ILDR2: variants seen among roughly 807,000 people sequenced by gnomAD.
The protein encoded by ILDR2 is immunoglobulin like domain containing receptor 2.
ILDR2 carries 25 observed loss-of-function variants against 66.8 expected under a neutral mutation model. That is an observed-to-expected ratio of 0.37 (90% CI 0.27 to 0.52). ILDR2 has a LOEUF of 0.52. Among genes scored for constraint, ILDR2 ranks in the 20% least tolerant of loss-of-function variants. The pLI is 0.88. For synonymous variants in ILDR2, 367 were observed against 357.2 expected, an observed-to-expected ratio of 1.03 and a Z score of -0.31; for missense variants, 827 against 876.8, an observed-to-expected ratio of 0.94 and a Z score of 0.72.
chr1:166,929,738 T>C (rs1221919241), intron 6 of ILDR2, among the ~76,000 whole-genome samples: 1 of 151,904 alleles, frequency 6.6e-6, no homozygotes, highest in Admixed American at 6.6e-5. Context: ...AAGGAATGAG[T>C]GAATGAATGA....
chr1:166,968,870 C>T (rs915632162), intron 1 of ILDR2, among the ~76,000 whole-genome samples: 1 of 152,114 alleles, frequency 6.6e-6, no homozygotes, highest in Non-Finnish European at 1.5e-5. Flanking sequence ...CCTAGCCAAT[C>T]CATAGCTACC....
rs766316184 is a variant in ILDR2, at chr1:166,921,314, G to C, written c.1277C>G (p.Ser426Cys). 2 of 1,592,202 alleles carry C rather than the reference G, an allele frequency of 1.3e-6. No homozygotes were observed. Among genetic ancestry groups the C allele is most frequent in the South Asian group, 1.1e-5 (1 of 89,722 alleles). ...KNFATGVPAVSMDELAAFADS... is the reference protein window; with the variant it reads ...KNFATGVPAVCMDELAAFADS... ...AGCGAAGGCCGCCAGCTCGTCCATG[G>C]AAACGGCCGGCACCCCCGTGGCGAA... The change falls in exon 9 of 10, where the codon TCC (serine) becomes TGC (cysteine). Residue 426 changes from serine to cysteine, a missense_variant. By Grantham distance (112) the Ser-to-Cys change is moderately radical (BLOSUM62 -1). Coordinates refer to ENST00000271417, the MANE Select transcript of ILDR2 (RefSeq NM_199351.3). This position sits in a 1 kb window ranked among gnomAD's most constrained non-coding sequence, Gnocchi z 5.3.
chr1:166,947,526 G>A (rs1661696991), intron 3 of ILDR2, among the ~76,000 whole-genome samples: 1 of 152,338 alleles, frequency 6.6e-6, no homozygotes, highest in East Asian at 1.9e-4. Context: ...AAGCCTGCAC[G>A]CCTGAATAGC....
intron 2 of ILDR2, among the ~76,000 whole-genome samples, chr1:166,901,270 T>G (rs1659260229): frequency 6.6e-6 from 1 of 152,208 alleles, no homozygotes; most frequent in Admixed American, 6.5e-5. Context: ...GCTCCCTTCC[T>G]CTTGGGGGAG....
chr1:166,922,956 G>T (rs1435381548), intron 7 of ILDR2, 147 bp from the exon 8 acceptor site: 3 of 668,256 alleles, frequency 4.5e-6, no homozygotes, highest in Non-Finnish European at 7.9e-6. Flanking sequence ...TGAACTAGTG[G>T]TGTTTGTATT....
chr1:166,951,407 T>G (rs1366161990), intron 3 of ILDR2, among the ~76,000 whole-genome samples: 1 of 152,168 alleles, frequency 6.6e-6, no homozygotes, highest in Non-Finnish European at 1.5e-5. Flanking sequence ...GACTTAGCCA[T>G]GCTTGAAGCT....
intron 1 of ILDR2, among the ~76,000 whole-genome samples, chr1:166,964,578 G>T (rs566610702): frequency 6.6e-6 from 1 of 152,274 alleles, no homozygotes; most frequent in African/African-American, 2.4e-5. Flanking sequence ...CTTAGCAGGT[G>T]GTCCCCAGCT....
downstream of ILDR2, among the ~76,000 whole-genome samples, chr1:166,903,983 A>G (rs1302182564): frequency 1.3e-5 from 2 of 152,158 alleles, no homozygotes; most frequent in Non-Finnish European, 2.9e-5. Context: ...TATTTTCAAC[A>G]CTGATCCTTT....
intron 1 of ILDR2, 94 bp downstream of exon 1, chr1:166,975,128 GT>G: frequency 9.3e-7 from 1 of 1,075,572 alleles, no homozygotes. Flanking sequence ...AACATGGTCA[GT>G]AAGGAGGAAA....
In ILDR2 at chr1:166,921,162, A is replaced by T; in HGVS notation, c.1429T>A (p.Tyr477Asn). 6.5e-7 allele frequency: 1 copy of T among 1,544,426 alleles called. No individual in the cohort carries two copies. The highest frequency in any genetic ancestry group is 1.2e-5 in the South Asian group (1 of 84,708). ...CGGCTGCGGCTGCGCTGACCGTAGT[A>T]CTCCTCCAAGGAGTCGTCCTGGTAG... ...GFYQDDSLEE[Y>N]YGQRSRSREP... The change falls in exon 9 of 10, where the codon TAC (tyrosine) becomes AAC (asparagine). Residue 477 changes from tyrosine (Y) to asparagine (N), a missense_variant. Tyr to Asn is a moderately radical substitution (Grantham distance 143). Transcript: ENST00000271417. This position sits in a 1 kb window ranked among gnomAD's most constrained non-coding sequence, Gnocchi z 5.3.
chr1:166,920,655 T>C, intron 9 of ILDR2, 52 bp downstream of exon 9: 7 of 1,339,204 alleles, frequency 5.2e-6, no homozygotes, highest in South Asian at 4.3e-5. Flanking sequence ...TCGCCCTGCC[T>C]GGAGGCTCCC....
In ILDR2 at chr1:166,908,674, C is replaced by T. The variant is rs1428046289; in HGVS notation, c.*10681G>A. ...AGTAGGAGACAAGAAATGAGGGTAC[C>T]AGAAGAATCCAGGGAGGAGACGAAA... On this transcript the variant is annotated 3_prime_UTR_variant, in exon 10 of 10. Transcript: ENST00000271417. 2.6e-5 allele frequency: 4 copies of T among 152,162 alleles called. No individual in the cohort carries two copies. The highest frequency in any genetic ancestry group is 2.6e-4 in the Admixed American group (4 of 15,278). 9.4% of individuals were successfully genotyped at this position (152,162 alleles called of 1,614,324 possible).
rs1024233188 is a variant in ILDR2 at position 166,920,955 on chromosome 1, C to T, written c.1636G>A (p.Gly546Ser). 3 of 1,484,488 alleles carry T rather than the reference C, an allele frequency of 2.0e-6. No homozygotes were observed. The African/African-American group carries it at 4.4e-5, about 22-fold the overall frequency. 92.0% of individuals were successfully genotyped at this position (1,484,488 alleles called of 1,614,324 possible). The change falls in exon 9 of 10, where the codon GGC (glycine) becomes AGC (serine). Residue 546 changes from glycine to serine, a missense_variant. By Grantham distance (56) the Gly-to-Ser change is moderately conservative (BLOSUM62 0). This residue lies in a region of ILDR2 where 390 missense variants were observed against 353.6 expected (regional missense o/e 1.10). Transcript: ENST00000271417. ...CGCTTGGATGGCGTCTCCAGGCTGC[C>T]ACCGCGGCTGGCGCCCTCGGGCCGC... Reference protein sequence around the residue: ...QARPEGASRGGSLETPSKRSA... With the variant: ...QARPEGASRGSSLETPSKRSA...
intron 1 of ILDR2, 47 bp from the exon 2 acceptor site, chr1:166,958,148 C>T (rs1483819806): frequency 6.8e-7 from 1 of 1,476,644 alleles, no homozygotes; most frequent in Admixed American, 1.8e-5. Context: ...TATCCTGGAC[C>T]TCACCTTCCA....
chr1:166,936,772 C>G lies in ILDR2; in HGVS notation c.557-35G>C, dbSNP rs776092969. On this transcript the variant is annotated intron_variant, in intron 4 of 9. Coordinates refer to ENST00000271417, the MANE Select transcript of ILDR2 (RefSeq NM_199351.3). The surrounding 1 kb of genome is among the most constrained non-coding windows in gnomAD (Gnocchi z 5.0). The stretch of plus-strand genomic sequence containing the variant: ...TGCACAAAGAAATCCACACTCGAGG[C>G]AGCCCACCTCCAGGGCAGGGTGCAC... 6.2e-7 allele frequency: 1 copy of G among 1,610,628 alleles called. No homozygotes were observed. Among genetic ancestry groups the G allele is most frequent in the East Asian group, 2.2e-5 (1 of 44,802 alleles).
At chr1:166,939,075 G>T (rs907462477) in intron 4 of ILDR2, among the ~76,000 whole-genome samples, 2 of 152,134 alleles carry the variant, frequency 1.3e-5, no homozygotes, top group Non-Finnish European at 1.5e-5. Context: ...CTTTCCTAAG[G>T]TTTGAAAAAA....
At position 166,920,856 on chromosome 1, in the gene ILDR2, A is replaced by C; in HGVS notation, c.1735T>G (p.Ser579Ala). 6.6e-7 allele frequency: 1 copy of C among 1,508,800 alleles called. No individual in the cohort carries two copies. The allele number at this position is 1,508,800 out of a possible 1,614,324, so 93.5% of individuals were successfully genotyped here. The change falls in exon 9 of 10, where the codon TCG becomes GCG. Residue 579 changes from serine to alanine, a missense_variant. Ser to Ala is a moderately conservative substitution (Grantham distance 99). Coordinates refer to ENST00000271417, the MANE Select transcript of ILDR2 (RefSeq NM_199351.3). The part of the protein sequence containing the change: ...SPPGTYKAGS[S>A]QDDQEDASDD... ...GACGCGTCCTCCTGGTCGTCCTGCG[A>C]CGAGCCGGCCTTGTAGGTGCCGGGC...
chr1:166,904,625 C>T (rs183368825), downstream of ILDR2, among the ~76,000 whole-genome samples: 191 of 152,350 alleles, frequency 1.3e-3, 3 homozygotes, highest in Admixed American at 0.012. Flanking sequence ...TCATTCCCCT[C>T]TTTGTGGTCT....
At chr1:166,949,783 T>C (rs1290644965) in intron 3 of ILDR2, among the ~76,000 whole-genome samples, 1 of 152,182 alleles carries the variant, frequency 6.6e-6, no homozygotes, top group Non-Finnish European at 1.5e-5. Context: ...TCAATGCATT[T>C]TTTTTCTGGT....
Sources: allele counts gnomAD v4.1 joint callset (sites outside exome capture counted in the v4.1 genomes callset), GRCh38; gene constraint gnomAD v4.1.1; regional missense constraint gnomAD v4.1.1; non-coding constraint Gnocchi (gnomAD v3.1); transcripts MANE v1.5; gene names NCBI Gene and HGNC (gene_info 2026-07-23, HGNC 2026-07-21).